The following CDH12 variants were observed in gnomAD, a reference collection of about 807,000 sequenced individuals.
CDH12 encodes the protein cadherin-12.
In CDH12, 41 loss-of-function variants were observed where a neutral mutation model predicts 74.1. That is an observed-to-expected ratio of 0.55 (90% CI 0.43 to 0.72). CDH12 has a LOEUF of 0.72. CDH12 is among the 30% of genes least tolerant of loss of function. The pLI, the probability that CDH12 is intolerant of heterozygous loss-of-function variation, is 0.00. For missense variants in CDH12, 945 were observed against 977.2 expected, an observed-to-expected ratio of 0.97 and a Z score of 0.44; for synonymous variants, 399 against 355.0, an observed-to-expected ratio of 1.12 and a Z score of -1.39.
chr5:22,513,649 T>G (rs1046437432), intron 1 of CDH12, among the ~76,000 whole-genome samples: 2 of 152,078 alleles, frequency 1.3e-5, no homozygotes, highest in Non-Finnish European at 1.5e-5. Flanking sequence ...TATAGAGTAC[T>G]TAGAATGCAC....
chr5:22,664,725 C>G (rs970450469), intron 1 of CDH12, among the ~76,000 whole-genome samples: 7 of 152,136 alleles, frequency 4.6e-5, no homozygotes, highest in African/African-American at 1.7e-4. Flanking sequence ...TATACCCATT[C>G]TACATATGGG....
At chr5:21,894,207 T>C (rs980494513) in intron 6 of CDH12, among the ~76,000 whole-genome samples, 10 of 151,700 alleles carry the variant, frequency 6.6e-5, no homozygotes, top group Non-Finnish European at 1.2e-4. Flanking sequence ...AGTGACACCT[T>C]GTCTCTACTA....
At chr5:22,266,326 G>T (rs917770419) in intron 3 of CDH12, among the ~76,000 whole-genome samples, 5 of 151,884 alleles carry the variant, frequency 3.3e-5, no homozygotes, top group Non-Finnish European at 1.5e-5. Flanking sequence ...GCCCACCTCG[G>T]CCTCCCAAAG....
chr5:22,489,272 T>A (rs1406371391), intron 2 of CDH12, among the ~76,000 whole-genome samples: 1 of 151,630 alleles, frequency 6.6e-6, no homozygotes, highest in African/African-American at 2.4e-5. Context: ...TTAGCCAGGA[T>A]GGTCTCAATC....
chr5:22,689,939 A>T (rs1741997321), intron 1 of CDH12, among the ~76,000 whole-genome samples: 1 of 152,096 alleles, frequency 6.6e-6, no homozygotes, highest in Admixed American at 6.6e-5. Context: ...GGAAATTTTT[A>T]ACCCCAAATT....
At chr5:22,829,356 T>C (rs1736474445) in intron 1 of CDH12, among the ~76,000 whole-genome samples, 1 of 152,230 alleles carries the variant, frequency 6.6e-6, no homozygotes, top group Admixed American at 6.5e-5. Context: ...CAAATATTTC[T>C]ATCACCCTCA....
At chr5:22,187,435 G>A (rs557997187) in intron 4 of CDH12, among the ~76,000 whole-genome samples, 436 of 152,076 alleles carry the variant, frequency 2.9e-3, no homozygotes, top group Non-Finnish European at 4.8e-3. Flanking sequence ...TTTCTTTCAT[G>A]CCTCTCATAT....
At chr5:22,737,704 G>A (rs926649377) in intron 1 of CDH12, among the ~76,000 whole-genome samples, 19 of 151,986 alleles carry the variant, frequency 1.3e-4, no homozygotes, top group Admixed American at 6.6e-4. Context: ...CAAATATGAT[G>A]TGAAATGGTC....
At chr5:22,408,452 A>G (rs1459151852) in intron 2 of CDH12, among the ~76,000 whole-genome samples, 1 of 151,066 alleles carries the variant, frequency 6.6e-6, no homozygotes, top group East Asian at 1.9e-4. Flanking sequence ...GTTTTAAGAC[A>G]TTCTTCAAAA....
intron 6 of CDH12, among the ~76,000 whole-genome samples, chr5:21,923,464 T>C (rs1236902217): frequency 6.6e-6 from 1 of 152,206 alleles, no homozygotes; most frequent in African/African-American, 2.4e-5. Context: ...ACATCTCAGC[T>C]AGTTTTCTCT....
chr5:22,403,055 G>A (rs1287487635), intron 3 of CDH12, among the ~76,000 whole-genome samples: 1 of 152,154 alleles, frequency 6.6e-6, no homozygotes, highest in South Asian at 2.1e-4. Flanking sequence ...AAATAAAGAA[G>A]AAATAACTAC....
At chr5:22,435,934 C>G (rs989173958) in intron 2 of CDH12, among the ~76,000 whole-genome samples, 3 of 151,806 alleles carry the variant, frequency 2.0e-5, no homozygotes, top group Admixed American at 1.3e-4. Context: ...GGTTTCCCCC[C>G]ACCCATCATG....
At chr5:22,182,844 C>T (rs1749718782) in intron 4 of CDH12, among the ~76,000 whole-genome samples, 1 of 151,720 alleles carries the variant, frequency 6.6e-6, no homozygotes, top group Non-Finnish European at 1.5e-5. Context: ...AGTTGTAGAA[C>T]TTTCTCTACA....
intron 8 of CDH12, among the ~76,000 whole-genome samples, chr5:21,839,783 G>A (rs1018404219): frequency 6.6e-6 from 1 of 152,076 alleles, no homozygotes; most frequent in South Asian, 2.1e-4. Flanking sequence ...ACTGCCTAGT[G>A]ACTTAATTAA....
At chr5:22,795,940 G>A (rs958602096) in intron 1 of CDH12, among the ~76,000 whole-genome samples, 1 of 152,072 alleles carries the variant, frequency 6.6e-6, no homozygotes, top group African/African-American at 2.4e-5. Context: ...TAACATATAA[G>A]TGTTAAGTTA....
At position 22,775,778 on chromosome 5, in the gene CDH12, T is replaced by C. The variant is rs143270511; in HGVS notation, c.-523+77280A>G. On this transcript the variant is annotated intron_variant, in intron 1 of 14. Coordinates refer to ENST00000382254, the MANE Select transcript of CDH12 (RefSeq NM_004061.5). ...TCATTATTCTTCATACTAACTGATA[T>C]GGTTTGACTGTGTCCCCGCCCAGCT... 1.7e-3 allele frequency among the ~76,000 whole-genome samples: 255 copies of C among 152,228 alleles called. 2 individuals carry two copies. Among genetic ancestry groups the C allele is most frequent in the Admixed American group, 0.015 (225 of 15,254 alleles).
chr5:22,142,606 A>C, intron 4 of CDH12: 1 of 526,776 alleles, frequency 1.9e-6, no homozygotes, highest in Non-Finnish European at 3.4e-6. Context: ...TCAAAATTCA[A>C]TTCTTACATC....
intron 4 of CDH12, among the ~76,000 whole-genome samples, chr5:22,188,606 C>G (rs1401558777): frequency 6.6e-6 from 1 of 152,108 alleles, no homozygotes; most frequent in South Asian, 2.1e-4. Flanking sequence ...TGTCACCTAC[C>G]TACACCATTT....
In CDH12 at chr5:22,619,896, G is replaced by A. The variant is rs1457311184; in HGVS notation, c.-522-114532C>T. 2.0e-5 allele frequency among the ~76,000 whole-genome samples: 3 copies of A among 152,012 alleles called. No homozygotes were observed. In the East Asian group the frequency reaches 5.8e-4, roughly 29 times the overall value. ...CATTTTTTAGTCTCAGAAACTCAGT[G>A]TCAATTAAAATTATTATTTTTTGCT... On this transcript the variant is annotated intron_variant, in intron 1 of 14. Transcript: ENST00000382254.
Sources: gnomAD v4.1 joint callset for allele counts (sites outside exome capture counted in the v4.1 genomes callset) on GRCh38, gnomAD v4.1.1 for gene constraint, MANE v1.5 for transcripts, NCBI Gene and HGNC (gene_info 2026-07-23, HGNC 2026-07-21) for gene names.